The following TSBP1 variants were observed in gnomAD, a reference collection of about 807,000 sequenced individuals.
TSBP1 encodes testis-expressed basic protein 1.
In TSBP1, 56 loss-of-function variants were observed where a neutral mutation model predicts 68.8. That is an observed-to-expected ratio of 0.81 (90% CI 0.66 to 1.02). The LOEUF (loss-of-function observed/expected upper bound fraction) is 1.02, where lower values mean the gene tolerates loss of function less well. Among genes scored for constraint, TSBP1 ranks in the 50% least tolerant of loss-of-function variants. TSBP1 has a pLI of 0.00. For missense variants in TSBP1, 502 were observed against 641.2 expected (o/e 0.78, Z 2.34); for synonymous variants, 171 against 208.7 (o/e 0.82, Z 1.56).
At chr6:32,351,686 C>T (rs1271021357) in intron 8 of TSBP1, among the ~76,000 whole-genome samples, 2 of 151,998 alleles carry the variant, frequency 1.3e-5, no homozygotes, top group South Asian at 2.1e-4. Flanking sequence ...AGAATGGAAA[C>T]TCTTGAATGT....
At chr6:32,313,781 ATGGG>A (rs1766664971) in intron 19 of TSBP1, among the ~76,000 whole-genome samples, 1 of 152,192 alleles carries the variant, frequency 6.6e-6, no homozygotes, top group Non-Finnish European at 1.5e-5. Context: ...TGCACACTGC[ATGGG>A]TAGCACACCT....
rs1189155663 is a variant in TSBP1 at position 32,357,752 on chromosome 6, A to G, written c.218-2083T>C. ...TAGGAAAGGAGTTAAATATCATTCC[A>G]AGGTAGATAGTCTGAGCAATTAGGT... On this transcript the variant is annotated intron_variant, in intron 6 of 22. Coordinates refer to ENST00000612031, the Ensembl canonical transcript of TSBP1. This position sits in a 1 kb window ranked among gnomAD's most constrained non-coding sequence, Gnocchi z 4.7. 1.3e-5 allele frequency among the ~76,000 whole-genome samples: 2 copies of G among 152,194 alleles called. No homozygotes were observed. The highest frequency in any genetic ancestry group is 1.3e-4 in the Admixed American group (2 of 15,284).
intron 16 of TSBP1, chr6:32,324,749 T>G: frequency 6.5e-7 from 1 of 1,546,358 alleles, no homozygotes; most frequent in African/African-American, 1.4e-5. Context: ...TTTTTTTCTA[T>G]TGGTAAATTT....
chr6:32,299,732 AACATAGTGAGATCCTGT>A (rs2127561593), intron 22 of TSBP1, among the ~76,000 whole-genome samples, 173 bp downstream of exon 25: 1 of 152,294 alleles, frequency 6.6e-6, no homozygotes, highest in African/African-American at 2.4e-5. Context: ...CAACCTGGGC[AACATAGTGAGATCCTGT>A]CTCAAAAAGA....
chr6:32,335,482 C>T lies in TSBP1; in HGVS notation c.452-25G>A. ...TCTAAAAAAAAAAGAGAAAAGAAAT[C>T]AGTAGCTATATATATATTTTATATA... On this transcript the variant is annotated intron_variant, in intron 13 of 22. Transcript: ENST00000612031. The surrounding 1 kb of genome is among the most constrained non-coding windows in gnomAD (Gnocchi z 5.5). 7.1e-7 allele frequency: 1 copy of T among 1,409,236 alleles called. No individual in the cohort carries two copies. Among genetic ancestry groups the T allele is most frequent in the Non-Finnish European group, 9.5e-7 (1 of 1,056,288 alleles). 87.3% of individuals were successfully genotyped at this position (1,409,236 alleles called of 1,614,324 possible).
intron 6 of TSBP1, among the ~76,000 whole-genome samples, chr6:32,364,415 G>GTTT (rs9279602): frequency 2.2e-5 from 3 of 135,852 alleles, no homozygotes; most frequent in Admixed American, 7.3e-5. Flanking sequence ...TTTCTTTGTG[G>GTTT]TTTTTTTTTT....
rs780535644 is a variant in TSBP1, at chr6:32,315,086, TG to T, written c.580+685del. ...CAGGATGAGGAATCTCAGCTGATAT[TG>T]GGTTTGCTTAAATCATTTGTAACTG... is the stretch of plus-strand genomic sequence containing the variant. On this transcript the variant is annotated intron_variant, in intron 19 of 22. Transcript: ENST00000612031. This position sits in a 1 kb window ranked among gnomAD's most constrained non-coding sequence, Gnocchi z 5.4. Among the ~76,000 whole-genome samples the T allele has an allele frequency of 6.6e-6, 1 of 152,222 alleles. No individual in the cohort carries two copies. The highest frequency in any genetic ancestry group is 2.4e-5 in the African/African-American group (1 of 41,460).
intron 19 of TSBP1, among the ~76,000 whole-genome samples, chr6:32,311,778 T>TG (rs1378890970): frequency 6.6e-6 from 1 of 152,120 alleles, no homozygotes; most frequent in South Asian, 2.1e-4. Flanking sequence ...TTACAGTGAT[T>TG]GGGGGTATCT....
At chr6:32,349,874 C>T (rs773445097) in intron 8 of TSBP1, 114 bp from the exon 9 acceptor site, 2 of 1,116,210 alleles carry the variant, frequency 1.8e-6, no homozygotes, top group South Asian at 2.5e-5. Flanking sequence ...AAATGAGTCA[C>T]AACTTATTTC....
At chr6:32,311,778 TG>T (rs1378890970) in intron 19 of TSBP1, among the ~76,000 whole-genome samples, 1 of 152,120 alleles carries the variant, frequency 6.6e-6, no homozygotes, top group Non-Finnish European at 1.5e-5. Context: ...TTACAGTGAT[TG>T]GGGGTATCTG....
intron 19 of TSBP1, among the ~76,000 whole-genome samples, chr6:32,309,263 C>T (rs769012797): frequency 1.3e-5 from 2 of 151,986 alleles, no homozygotes; most frequent in Non-Finnish European, 2.9e-5. Context: ...TTCTGCTTTT[C>T]CTTCTCCTTC....
intron 16 of TSBP1, chr6:32,324,347 T>C (rs2127591196): frequency 2.1e-6 from 1 of 480,770 alleles, no homozygotes; most frequent in African/African-American, 2.0e-5. Flanking sequence ...TACCATTTTT[T>C]CCCTTTTTAA....
At chr6:32,317,890 A>G (rs999613364) in intron 18 of TSBP1, among the ~76,000 whole-genome samples, 1 of 152,176 alleles carries the variant, frequency 6.6e-6, no homozygotes, top group South Asian at 2.1e-4. Flanking sequence ...TGTGGGAAAC[A>G]GTGTGGCAAT....
chr6:32,299,689 C>T (rs1036893844), intron 22 of TSBP1, among the ~76,000 whole-genome samples: 6 of 152,026 alleles, frequency 3.9e-5, no homozygotes, highest in African/African-American at 1.4e-4. Context: ...GAGGCTGAGG[C>T]AGGAGGATCA....
intron 6 of TSBP1, among the ~76,000 whole-genome samples, chr6:32,362,115 CCT>C (rs948188583): frequency 8.6e-5 from 13 of 151,892 alleles, no homozygotes; most frequent in African/African-American, 3.1e-4. Flanking sequence ...ACGGTGAAAC[CCT>C]GTCTCTACTA....
chr6:32,298,327 C>T (rs149039681), intron 22 of TSBP1, among the ~76,000 whole-genome samples: 2,145 of 152,336 alleles, frequency 0.014, 21 homozygotes, highest in Middle Eastern at 0.017. Flanking sequence ...CGCCTGTAAT[C>T]CCAGCACTTT....
intron 9 of TSBP1, among the ~76,000 whole-genome samples, chr6:32,342,280 C>T (rs1447869769): frequency 1.3e-5 from 2 of 151,918 alleles, no homozygotes; most frequent in African/African-American, 2.4e-5. Context: ...TCTCCTGCCT[C>T]AGCCTCCCGA....
intron 17 of TSBP1, 168 bp downstream of exon 18, chr6:32,323,423 C>T: frequency 1.4e-6 from 1 of 734,046 alleles, no homozygotes; most frequent in South Asian, 1.5e-5. Context: ...AATATAACTT[C>T]TTTCTCAGGG....
At chr6:32,364,787 T>C (rs9268350) in intron 6 of TSBP1, among the ~76,000 whole-genome samples, 44,189 of 152,012 alleles carry the variant, frequency 0.29, 7,440 homozygotes, top group African/African-American at 0.44. Flanking sequence ...GTTCTTTTAG[T>C]GGTGTCATGT....
Sources: gnomAD v4.1 joint callset for allele counts (sites outside exome capture counted in the v4.1 genomes callset) on GRCh38, gnomAD v4.1.1 for gene constraint, Gnocchi (gnomAD v3.1) non-coding constraint, MANE v1.5 for transcripts, NCBI Gene and HGNC (gene_info 2026-07-23, HGNC 2026-07-21) for gene names.